The following CNMD variants were observed in gnomAD, a reference collection of about 807,000 sequenced individuals.
CNMD encodes chondromodulin, also known as leukocyte cell-derived chemotaxin 1.
In CNMD, 30 loss-of-function variants were observed where a neutral mutation model predicts 37.5. That is an observed-to-expected ratio of 0.80 (90% CI 0.60 to 1.09). The LOEUF (loss-of-function observed/expected upper bound fraction) is 1.09, where lower values mean the gene tolerates loss of function less well. Ranked by LOEUF, CNMD falls within the 50% of genes least tolerant of loss-of-function variation. The pLI is 0.00. For synonymous variants in CNMD, 167 were observed against 148.2 expected, an observed-to-expected ratio of 1.13 and a Z score of -0.92; for missense variants, 398 against 423.9, an observed-to-expected ratio of 0.94 and a Z score of 0.54.
chr13:52,715,922 A>G (rs1964370508), intron 4 of CNMD, among the ~76,000 whole-genome samples: 1 of 152,164 alleles, frequency 6.6e-6, no homozygotes, highest in Admixed American at 6.5e-5. Flanking sequence ...TTGAGGAATC[A>G]CCACACTGTA....
chr13:52,733,209 A>C lies in CNMD; in HGVS notation c.354+10T>G, dbSNP rs1474686805. On this transcript the variant is annotated intron_variant, in intron 3 of 6. Coordinates refer to ENST00000377962, the MANE Select transcript of CNMD (RefSeq NM_007015.3). ...TGGTTAAATTCTCTAAATGCATGAA[A>C]TATACTTACATTCTGGAAATCATTA... 1 of 1,614,018 alleles carries C rather than the reference A, an allele frequency of 6.2e-7. No homozygotes were observed. Among genetic ancestry groups the C allele is most frequent in the Non-Finnish European group, 8.5e-7 (1 of 1,179,882 alleles).
At position 52,739,755 on chromosome 13, in the gene CNMD, T is replaced by C. The variant is rs2138291516; in HGVS notation, c.-54A>G. 6.8e-7 allele frequency: 1 copy of C among 1,477,448 alleles called. No homozygotes were observed. 91.5% of individuals were successfully genotyped at this position (1,477,448 alleles called of 1,614,324 possible). On this transcript the variant is annotated 5_prime_UTR_variant, in exon 1 of 7. Coordinates refer to ENST00000377962, the MANE Select transcript of CNMD (RefSeq NM_007015.3). This position sits in a 1 kb window ranked among gnomAD's most constrained non-coding sequence, Gnocchi z 5.4. ...GAGACTCCCTGGGCACCCTGGGATC[T>C]GTCCCGCTGCCCCGACGTGCAGGGC...
At position 52,708,514 on chromosome 13, in the gene CNMD, G is replaced by A. The variant is rs1299430338; in HGVS notation, c.789+22C>T. 5 of 1,601,108 alleles carry A rather than the reference G, an allele frequency of 3.1e-6. No individual in the cohort carries two copies. In the South Asian group the frequency reaches 5.6e-5, roughly 18 times the overall value. On this transcript the variant is annotated intron_variant, in intron 6 of 6. Transcript: ENST00000377962. Reference sequence around the variant, plus strand: ...ATGTTTAATGCATTTGTCTAATCATGTCAAAAAGCACCGGAACGCACATGA... The same window carrying A: ...ATGTTTAATGCATTTGTCTAATCATATCAAAAAGCACCGGAACGCACATGA...
chr13:52,714,727 A>G (rs1964341108), intron 4 of CNMD, among the ~76,000 whole-genome samples: 1 of 152,188 alleles, frequency 6.6e-6, no homozygotes, highest in Admixed American at 6.6e-5. Context: ...TATGACAATA[A>G]TAAGCATGTA....
intron 4 of CNMD, among the ~76,000 whole-genome samples, chr13:52,713,427 T>C (rs1464082736): frequency 2.6e-5 from 4 of 152,204 alleles, no homozygotes; most frequent in South Asian, 4.1e-4. Context: ...CCACTGAGAT[T>C]TCAAAGTTAA....
chr13:52,724,123 A>C lies in CNMD; in HGVS notation c.355-13T>G. On this transcript the variant is annotated splice_polypyrimidine_tract_variant and intron_variant, in intron 3 of 6. Coordinates refer to ENST00000377962, the MANE Select transcript of CNMD (RefSeq NM_007015.3). ...TTCCTGTGATGCCCTATGAAACAAA[A>C]GTGTATCCATCTATCTATCCATTTG... is the stretch of plus-strand genomic sequence containing the variant. 1.3e-6 allele frequency: 2 copies of C among 1,551,940 alleles called. No homozygotes were observed. Among genetic ancestry groups the C allele is most frequent in the Non-Finnish European group, 1.8e-6 (2 of 1,123,354 alleles).
chr13:52,732,955 T>A (rs1296397369), intron 3 of CNMD: 3 of 464,302 alleles, frequency 6.5e-6, no homozygotes, highest in South Asian at 5.0e-5. Flanking sequence ...TAAATCCTTA[T>A]GTACATGAAT....
At chr13:52,711,709 A>G (rs904555065) in intron 5 of CNMD, among the ~76,000 whole-genome samples, 1 of 152,208 alleles carries the variant, frequency 6.6e-6, no homozygotes, top group Admixed American at 6.5e-5. Context: ...GTATTTTTAA[A>G]AATTGTAAAA....
At chr13:52,703,875 T>C in intron 6 of CNMD, 65 bp from the exon 7 acceptor site, 1 of 1,397,086 alleles carries the variant, frequency 7.2e-7, no homozygotes. Flanking sequence ...ATGCATGTTA[T>C]TTTTAAATAA....
intron 4 of CNMD, among the ~76,000 whole-genome samples, chr13:52,717,820 C>T (rs1476873693): frequency 2.6e-5 from 4 of 152,140 alleles, no homozygotes; most frequent in Non-Finnish European, 4.4e-5. Context: ...TGTTGTGTCT[C>T]TGCCAGGTTT....
rs554724368 is a variant in CNMD at position 52,725,454 on chromosome 13, T to G, written c.355-1344A>C. On this transcript the variant is annotated intron_variant, in intron 3 of 6. Coordinates refer to ENST00000377962, the MANE Select transcript of CNMD (RefSeq NM_007015.3). The stretch of plus-strand genomic sequence containing the variant: ...TGTTTTTTTTTTGTCTCCTGAGAGA[T>G]ATAAACAATATCTTCTCTTGGTCTG... 5.9e-5 allele frequency among the ~76,000 whole-genome samples: 9 copies of G among 152,098 alleles called. No individual in the cohort carries two copies. The East Asian group carries it at 1.2e-3, about 20-fold the overall frequency.
chr13:52,712,843 ATATT>A lies in CNMD; in HGVS notation c.491_494del (p.Lys164MetfsTer11). On this transcript the variant is annotated frameshift_variant, in exon 5 of 7. Coordinates refer to ENST00000377962, the MANE Select transcript of CNMD (RefSeq NM_007015.3). LOFTEE classifies it high-confidence loss of function. ...CCACCCAGATAAGAGAATTTTCTTC[ATATT>A]TGACTGGCATGATCTTGCCTTCCTG... 1 of 1,578,936 alleles carries A rather than the reference ATATT, an allele frequency of 6.3e-7. No homozygotes were observed. The highest frequency in any genetic ancestry group is 8.6e-7 in the Non-Finnish European group (1 of 1,165,194).
chr13:52,706,684 T>A (rs1235688853), intron 6 of CNMD, among the ~76,000 whole-genome samples: 1 of 152,100 alleles, frequency 6.6e-6, no homozygotes, highest in African/African-American at 2.4e-5. Context: ...CAAAATATTG[T>A]AACTGGAAAG....
At chr13:52,727,478 A>T (rs537965779) in intron 3 of CNMD, among the ~76,000 whole-genome samples, 1 of 152,174 alleles carries the variant, frequency 6.6e-6, no homozygotes, top group Non-Finnish European at 1.5e-5. Context: ...CCTGCACAAC[A>T]TGGTGAGACC....
In CNMD at chr13:52,737,620, C is replaced by CA. The variant is rs940765650; in HGVS notation, c.213+1410dup. Among the ~76,000 whole-genome samples the CA allele has an allele frequency of 9.2e-5, 14 of 151,544 alleles. 1 individual carries two copies. The highest frequency in any genetic ancestry group is 3.9e-4 in the East Asian group (2 of 5,190). On this transcript the variant is annotated intron_variant, in intron 2 of 6. Transcript: ENST00000377962. The stretch of plus-strand genomic sequence containing the variant: ...AATATATCATGTCCAGAATCTTTAC[C>CA]AAAAAAAAGCATAGCTATTGTTATC...
Position 52,703,776 on chromosome 13 carries a change from CTA to C in CNMD, c.822_823del (p.Arg275ThrfsTer12), listed in dbSNP as rs1294546081. The C allele has an allele frequency of 1.9e-6, 3 of 1,613,534 alleles. No homozygotes were observed. The African/African-American group carries it at 4.0e-5, about 22-fold the overall frequency. On this transcript the variant is annotated frameshift_variant, in exon 7 of 7. Transcript: ENST00000377962. LOFTEE classifies it high-confidence loss of function. ...ACAACAGATTCCTTCGTGATCCAGT[CTA>C]GGGTCGAATGTCATGCTTTCCCCTT...
At chr13:52,718,731 A>G (rs1182805557) in intron 4 of CNMD, among the ~76,000 whole-genome samples, 1 of 152,026 alleles carries the variant, frequency 6.6e-6, no homozygotes, top group Non-Finnish European at 1.5e-5. Context: ...ATTCTTTTGC[A>G]TTTGCTGAGG....
In CNMD at chr13:52,712,777, A is replaced by G. The variant is rs773912770; in HGVS notation, c.561T>C (p.Ser187=). Residue 187 remains serine, a synonymous_variant, in exon 5 of 7, where the codon TCT becomes TCC. Transcript: ENST00000377962. ...GGTCACCGCAGAGTTCTAACACCTT[A>G]GAACTCAAGAAGCTGTTGTCCTTCA... is the stretch of plus-strand genomic sequence containing the variant. ...QPVKDNSFLS[S]KVLELCGDLP... The G allele has an allele frequency of 1.3e-6, 2 of 1,593,978 alleles. No individual in the cohort carries two copies. The highest frequency in any genetic ancestry group is 2.3e-5 in the South Asian group (2 of 85,578).
At chr13:52,736,848 T>A (rs745563940) in intron 2 of CNMD, among the ~76,000 whole-genome samples, 2 of 152,072 alleles carry the variant, frequency 1.3e-5, no homozygotes, top group Non-Finnish European at 2.9e-5. Flanking sequence ...CAGGGTGGGG[T>A]TGTCAGTTAT....
Sources: allele counts gnomAD v4.1 joint callset (sites outside exome capture counted in the v4.1 genomes callset), GRCh38; gene constraint gnomAD v4.1.1; non-coding constraint Gnocchi (gnomAD v3.1); transcripts MANE v1.5; gene names NCBI Gene and HGNC (gene_info 2026-07-23, HGNC 2026-07-21).